Variants in RHAG observed in about 807,000 individuals in gnomAD.
The protein encoded by RHAG is Rh associated glycoprotein.
In RHAG, 25 loss-of-function variants were observed where a neutral mutation model predicts 42.4. The observed-to-expected ratio is 0.59, with a 90% CI of 0.43 to 0.82. The LOEUF is 0.82. RHAG is among the 40% of genes least tolerant of loss of function. The probability of loss-of-function intolerance (pLI) is 0.00; values close to 1 mark genes in which losing one functional copy is unlikely to be tolerated. For synonymous variants in RHAG, 182 were observed against 177.7 expected, an observed-to-expected ratio of 1.02 and a Z score of -0.19; for missense variants, 483 against 504.6, an observed-to-expected ratio of 0.96 and a Z score of 0.41.
intron 1 of RHAG, among the ~76,000 whole-genome samples, chr6:49,636,374 G>A (rs1451821309): frequency 6.6e-6 from 1 of 152,012 alleles, no homozygotes; most frequent in African/African-American, 2.4e-5. Flanking sequence ...ACCAACTGAA[G>A]GAAAAAGGTC....
At chr6:49,618,612 A>C (rs1220416395) in intron 2 of RHAG, among the ~76,000 whole-genome samples, 9 of 152,312 alleles carry the variant, frequency 5.9e-5, no homozygotes. Context: ...ATATCCTCAA[A>C]GTCAAACCAG....
At position 49,612,428 on chromosome 6, in the gene RHAG, A is replaced by G. The variant is rs766840174; in HGVS notation, c.914T>C (p.Met305Thr). ...GAACTTGTATCCAAGCACAGAGACC[A>G]TTCCTGCAATGCTCCCAATAATCAT... The part of the protein sequence containing the change: ...GSMIIGSIAG[M>T]VSVLGYKFLT... Residue 305 changes from methionine to threonine, a missense_variant, in exon 6 of 10, where the codon ATG (methionine) becomes ACG (threonine). Coordinates refer to ENST00000371175, the MANE Select transcript of RHAG (RefSeq NM_000324.3). The G allele has an allele frequency of 1.9e-6, 3 of 1,614,096 alleles. No individual in the cohort carries two copies. Among genetic ancestry groups the G allele is most frequent in the African/African-American group, 2.7e-5 (2 of 74,944 alleles).
intron 1 of RHAG, among the ~76,000 whole-genome samples, chr6:49,629,512 G>A (rs1246693189): frequency 1.3e-5 from 2 of 152,210 alleles, no homozygotes; most frequent in South Asian, 2.1e-4. Context: ...CAGGCATGCA[G>A]GTGGAGCTGC....
intron 1 of RHAG, among the ~76,000 whole-genome samples, chr6:49,636,216 C>T (rs1385211640): frequency 1.3e-5 from 2 of 151,990 alleles, no homozygotes; most frequent in Admixed American, 6.6e-5. Flanking sequence ...ACTAAATACC[C>T]CTTCTTATTC....
At chr6:49,630,744 T>C (rs534688026) in intron 1 of RHAG, among the ~76,000 whole-genome samples, 1 of 152,322 alleles carries the variant, frequency 6.6e-6, no homozygotes, top group African/African-American at 2.4e-5. Context: ...TAAAATACCA[T>C]ACAATTCTAA....
rs1404560112 is a variant in RHAG, at chr6:49,636,769, G to C, written c.44C>G (p.Ala15Gly). ...AAATAATCCAAATAAAACAATCATG[G>C]CAATTTCCAGGACTATAGCCATGAG... Reference protein sequence around the residue: ...FPLMAIVLEIAMIVLFGLFVE... With the variant: ...FPLMAIVLEIGMIVLFGLFVE... The change falls in exon 1 of 10, where the codon GCC becomes GGC. Residue 15 changes from alanine to glycine, a missense_variant. Physicochemically the swap from Ala to Gly is moderately conservative, Grantham distance 60. Transcript: ENST00000371175. 9 of 1,613,774 alleles carry C rather than the reference G, an allele frequency of 5.6e-6. No homozygotes were observed. The South Asian group carries it at 9.9e-5, about 18-fold the overall frequency.
At position 49,607,180 on chromosome 6, in the gene RHAG, C is replaced by T. The variant is rs751577470; in HGVS notation, c.1108G>A (p.Gly370Arg). 4 of 1,613,742 alleles carry T rather than the reference C, an allele frequency of 2.5e-6. No homozygotes were observed. The highest frequency in any genetic ancestry group is 1.7e-5 in the Admixed American group (1 of 59,962). The change falls in exon 8 of 10, where the codon GGA (glycine) becomes AGA (arginine). Residue 370 changes from glycine to arginine, a missense_variant. Transcript: ENST00000371175. ...ATCAGACCTCCAACAACTGCTGTTC[C>T]GATAGAGGAACCCAGTGCAGCTGCC... ...MQAAALGSSI[G>R]TAVVGGLMTG...
At position 49,608,923 on chromosome 6, in the gene RHAG, C is replaced by G. The variant is rs148700202; in HGVS notation, c.1068-1703G>C. Among the ~76,000 whole-genome samples, 391 of 151,704 alleles carry G rather than the reference C, an allele frequency of 2.6e-3. 2 individuals are homozygous for G. The highest frequency in any genetic ancestry group is 0.02 in the Middle Eastern group (6 of 294). On this transcript the variant is annotated intron_variant, in intron 7 of 9. Transcript: ENST00000371175. ...TCCTGTTAATTTTATAGGAATTTGC[C>G]AAGATCTTTTACAAGGTCTTAAAAG... is the stretch of plus-strand genomic sequence containing the variant.
At chr6:49,611,966 C>T (rs1762576789) in intron 6 of RHAG, among the ~76,000 whole-genome samples, 1 of 151,640 alleles carries the variant, frequency 6.6e-6, no homozygotes, top group South Asian at 2.1e-4. Context: ...CCAGGCTGGT[C>T]TTGAACTCCT....
At chr6:49,607,281 A>G (rs9473622) in intron 7 of RHAG, 61 bp from the exon 8 acceptor site, 84,997 of 1,361,636 alleles carry the variant, frequency 0.062, 4,052 homozygotes, top group African/African-American at 0.25. Flanking sequence ...AGAAAGTCTC[A>G]CTCACTGAGG....
chr6:49,625,392 G>C (rs1015672381), intron 1 of RHAG, among the ~76,000 whole-genome samples: 1 of 152,098 alleles, frequency 6.6e-6, no homozygotes, highest in African/African-American at 2.4e-5. Context: ...TTTACCATAG[G>C]TATTTCTTCT....
At chr6:49,630,059 G>C (rs1762911589) in intron 1 of RHAG, among the ~76,000 whole-genome samples, 1 of 152,232 alleles carries the variant, frequency 6.6e-6, no homozygotes, top group Non-Finnish European at 1.5e-5. Flanking sequence ...AGGCAGAGGA[G>C]GCGCCGAGAG....
intron 1 of RHAG, among the ~76,000 whole-genome samples, chr6:49,623,987 C>T (rs1485149495): frequency 6.6e-6 from 1 of 152,084 alleles, no homozygotes; most frequent in Non-Finnish European, 1.5e-5. Flanking sequence ...GCTCCCTTCT[C>T]CCATTCCTTG....
chr6:49,618,618 ACCAGAGAGG>A (rs1267260008), intron 2 of RHAG, among the ~76,000 whole-genome samples: 1 of 152,160 alleles, frequency 6.6e-6, no homozygotes, highest in East Asian at 1.9e-4. Flanking sequence ...TCAAAGTCAA[ACCAGAGAGG>A]TTACAGACAT....
At chr6:49,616,199 C>T (rs149009494) in intron 3 of RHAG, among the ~76,000 whole-genome samples, 1 of 151,962 alleles carries the variant, frequency 6.6e-6, no homozygotes, top group Admixed American at 6.6e-5. Context: ...ATATGTATTG[C>T]TCAGCCTGGC....
At chr6:49,606,360 G>A (rs530918073) in intron 9 of RHAG, among the ~76,000 whole-genome samples, 12 of 151,952 alleles carry the variant, frequency 7.9e-5, no homozygotes, top group East Asian at 3.9e-4. Context: ...TTATTTTTAC[G>A]AATAGCTTTT....
At chr6:49,626,493 G>A (rs1251235376) in intron 1 of RHAG, among the ~76,000 whole-genome samples, 1 of 152,224 alleles carries the variant, frequency 6.6e-6, no homozygotes, top group African/African-American at 2.4e-5. Context: ...GCCTTGGGCA[G>A]CTCTGCCTCT....
At chr6:49,620,515 A>G (rs1430639113) in intron 1 of RHAG, among the ~76,000 whole-genome samples, 1 of 151,868 alleles carries the variant, frequency 6.6e-6, no homozygotes, top group Non-Finnish European at 1.5e-5. Flanking sequence ...TGAATGGGGC[A>G]CCATAGTTTC....
chr6:49,622,498 C>T (rs896669620), intron 1 of RHAG, among the ~76,000 whole-genome samples: 12 of 152,068 alleles, frequency 7.9e-5, no homozygotes, highest in Non-Finnish European at 1.3e-4. Flanking sequence ...CGTAAGCCAC[C>T]GCGCCTGGCA....
Sources: allele counts gnomAD v4.1 joint callset (sites outside exome capture counted in the v4.1 genomes callset), GRCh38; gene constraint gnomAD v4.1.1; transcripts MANE v1.5; gene names NCBI Gene and HGNC (gene_info 2026-07-23, HGNC 2026-07-21).